Variants in IL1RAPL1 observed in about 807,000 individuals in gnomAD.
IL1RAPL1 encodes interleukin 1 receptor accessory protein like 1.
In IL1RAPL1, 3 loss-of-function variants were observed where a neutral mutation model predicts 48.4. That is an observed-to-expected ratio of 0.06 (90% CI 0.03 to 0.16). The LOEUF (loss-of-function observed/expected upper bound fraction) is 0.16. Among genes scored for constraint, IL1RAPL1 ranks in the 10% least tolerant of loss-of-function variants. The pLI is 1.00. For synonymous variants in IL1RAPL1, 185 were observed against 187.7 expected (o/e 0.99, Z 0.12); for missense variants, 349 against 530.6 (o/e 0.66, Z 3.36).
intron 2 of IL1RAPL1, among the ~76,000 whole-genome samples, chrX:29,250,146 A>G (rs977772360): frequency 8.9e-6 from 1 of 111,733 alleles, no homozygotes; most frequent in African/African-American, 3.3e-5. Flanking sequence ...TCTCTCTTCA[A>G]TGTACCCCAA....
chrX:29,737,671 C>T (rs895115193), intron 6 of IL1RAPL1, among the ~76,000 whole-genome samples: 1 of 111,668 alleles, frequency 9.0e-6, no homozygotes, highest in Non-Finnish European at 1.9e-5. Context: ...TGTCTTTAAC[C>T]AAGAGCCGGG....
intron 6 of IL1RAPL1, among the ~76,000 whole-genome samples, chrX:29,701,053 T>G (rs1222139254): frequency 8.9e-6 from 1 of 111,954 alleles, no homozygotes; most frequent in Non-Finnish European, 1.9e-5. Context: ...ACTGAAATTT[T>G]ACGTTACAAA....
intron 6 of IL1RAPL1, among the ~76,000 whole-genome samples, chrX:29,803,641 A>G (rs1325799243): frequency 9.6e-6 from 1 of 103,809 alleles, no homozygotes; most frequent in Non-Finnish European, 2.0e-5. Context: ...GTGTATATAT[A>G]TACACGCGTG....
chrX:29,129,372 G>C (rs1402271440), intron 2 of IL1RAPL1, among the ~76,000 whole-genome samples: 2 of 110,495 alleles, frequency 1.8e-5, no homozygotes, highest in Non-Finnish European at 3.8e-5. Flanking sequence ...CAGTGTTTTA[G>C]ATATGAATAT....
intron 2 of IL1RAPL1, among the ~76,000 whole-genome samples, chrX:29,006,943 A>G (rs1925999491): frequency 9.0e-6 from 1 of 111,025 alleles, no homozygotes; most frequent in African/African-American, 3.3e-5. Context: ...AAGGCCATTA[A>G]TTTTGCTGCT....
At chrX:28,999,432 C>A (rs1041589287) in intron 2 of IL1RAPL1, among the ~76,000 whole-genome samples, 1 of 111,498 alleles carries the variant, frequency 9.0e-6, no homozygotes, top group Non-Finnish European at 1.9e-5. Flanking sequence ...CTAGCCCAAT[C>A]CCTGAGTTAA....
At chrX:29,495,658 C>T (rs1935205015) in intron 5 of IL1RAPL1, among the ~76,000 whole-genome samples, 1 of 111,511 alleles carries the variant, frequency 9.0e-6, no homozygotes, top group Non-Finnish European at 1.9e-5. Flanking sequence ...GACAGTTGTG[C>T]CCTGTTTACA....
chrX:28,954,129 T>C (rs1422085058), intron 2 of IL1RAPL1, among the ~76,000 whole-genome samples: 1 of 111,690 alleles, frequency 9.0e-6, no homozygotes, highest in Non-Finnish European at 1.9e-5. Context: ...AGAAATGCAA[T>C]TGACATAGTG....
intron 1 of IL1RAPL1, among the ~76,000 whole-genome samples, chrX:28,771,157 A>T (rs981062284): frequency 9.0e-6 from 1 of 111,644 alleles, no homozygotes; most frequent in Non-Finnish European, 1.9e-5. Flanking sequence ...CTTTTTAATC[A>T]TCCCACTCTG....
At chrX:29,021,682 T>G (rs377159172) in intron 2 of IL1RAPL1, among the ~76,000 whole-genome samples, 6 of 112,012 alleles carry the variant, frequency 5.4e-5, no homozygotes, top group African/African-American at 1.9e-4. Flanking sequence ...CCTGCCCTTT[T>G]CTCCGTTATT....
chrX:28,711,453 GA>G (rs780285953), intron 1 of IL1RAPL1, among the ~76,000 whole-genome samples: 13 of 110,615 alleles, frequency 1.2e-4, no homozygotes, highest in Non-Finnish European at 1.9e-4. Flanking sequence ...CTAAATTTGA[GA>G]AAGAAGTCTA....
At chrX:29,066,821 A>G (rs1418469384) in intron 2 of IL1RAPL1, among the ~76,000 whole-genome samples, 1 of 112,061 alleles carries the variant, frequency 8.9e-6, no homozygotes, top group Non-Finnish European at 1.9e-5. Context: ...CCTCTGTAAC[A>G]TAGAGCTTCA....
At chrX:29,244,345 C>G (rs1396004990) in intron 2 of IL1RAPL1, among the ~76,000 whole-genome samples, 1 of 112,106 alleles carries the variant, frequency 8.9e-6, no homozygotes, top group Non-Finnish European at 1.9e-5. Flanking sequence ...AGTCTCAAAG[C>G]ACTTGAACAA....
intron 5 of IL1RAPL1, among the ~76,000 whole-genome samples, chrX:29,421,136 T>C (rs1934285711): frequency 8.9e-6 from 1 of 112,393 alleles, no homozygotes; most frequent in Non-Finnish European, 1.9e-5. Context: ...ACTTGTGTTG[T>C]AGGACTTTTT....
intron 9 of IL1RAPL1, among the ~76,000 whole-genome samples, chrX:29,948,123 G>A (rs1284687663): frequency 9.0e-6 from 1 of 110,960 alleles, no homozygotes; most frequent in Non-Finnish European, 1.9e-5. Flanking sequence ...CTTCAGGAAG[G>A]TGCTATTTTA....
intron 1 of IL1RAPL1, among the ~76,000 whole-genome samples, chrX:28,618,469 A>G (rs1934246764): frequency 8.9e-6 from 1 of 112,183 alleles, no homozygotes; most frequent in East Asian, 2.8e-4. Context: ...TTAACAATAA[A>G]GCTCTTAGGA....
rs754503215 is a variant in IL1RAPL1 at position 29,666,611 on chromosome X, T to A, written c.704-1819T>A. Among the ~76,000 whole-genome samples the A allele has an allele frequency of 2.7e-5, 3 of 109,137 alleles. No individual in the cohort carries two copies. In the Admixed American group the frequency reaches 3.0e-4, roughly 11 times the overall value. The allele number at this position is 109,137 out of a possible 115,157, so 94.8% of individuals were successfully genotyped here. A position where few individuals can be genotyped will look rare whatever the true frequency, so the allele number is the denominator to read the frequency against. On this transcript the variant is annotated intron_variant, in intron 5 of 10. Coordinates refer to ENST00000378993, the MANE Select transcript of IL1RAPL1 (RefSeq NM_014271.4). The stretch of plus-strand genomic sequence containing the variant: ...TTGTAACATTATGCCGTCAAGTGGG[T>A]GGTGGGTTATGATGGAGAACCACAA...
At chrX:28,843,006 C>T (rs1200580193) in intron 2 of IL1RAPL1, among the ~76,000 whole-genome samples, 1 of 102,784 alleles carries the variant, frequency 9.7e-6, no homozygotes, top group African/African-American at 4.0e-5. Context: ...ATTTTATTTA[C>T]CCATTTTTTT....
At chrX:29,047,789 T>C (rs1189154435) in intron 2 of IL1RAPL1, among the ~76,000 whole-genome samples, 1 of 108,699 alleles carries the variant, frequency 9.2e-6, no homozygotes, top group Admixed American at 9.9e-5. Context: ...AGTGGTGTGA[T>C]CTCAGCTCAC....
Sources: allele counts gnomAD v4.1 joint callset (sites outside exome capture counted in the v4.1 genomes callset), GRCh38; gene constraint gnomAD v4.1.1; transcripts MANE v1.5; gene names NCBI Gene and HGNC (gene_info 2026-07-23, HGNC 2026-07-21).